The following PLCB1 variants were observed in gnomAD, a reference collection of about 807,000 sequenced individuals.
PLCB1 encodes 1-phosphatidylinositol 4,5-bisphosphate phosphodiesterase beta-1.
In PLCB1, 46 loss-of-function variants were observed where a neutral mutation model predicts 161.8. The ratio of observed to expected loss-of-function variants is 0.28; its 90% CI spans 0.22 to 0.36. The LOEUF is 0.36. PLCB1 is among the 10% of genes least tolerant of loss of function. PLCB1 has a pLI of 1.00. For missense variants in PLCB1, 1,016 were observed against 1,472.5 expected, an observed-to-expected ratio of 0.69 and a Z score of 5.07; for synonymous variants, 517 against 503.7, an observed-to-expected ratio of 1.03 and a Z score of -0.35.
rs146876020 is a variant in PLCB1, at chr20:8,630,393, G to T, written c.384+1962G>T. On this transcript the variant is annotated intron_variant, in intron 4 of 31. Coordinates refer to ENST00000338037, the MANE Select transcript of PLCB1 (RefSeq NM_015192.4). Reference sequence around the variant, plus strand: ...TAATATTGACTTTAATTCTTATAATGGGATGCATAAAATGCCAACCAGTTT... The same window carrying T: ...TAATATTGACTTTAATTCTTATAATTGGATGCATAAAATGCCAACCAGTTT... Among the ~76,000 whole-genome samples, 1,196 of 152,150 alleles carry T rather than the reference G, an allele frequency of 7.9e-3. 9 individuals carry two copies. Among genetic ancestry groups the T allele is most frequent in the Non-Finnish European group, 0.013 (868 of 67,996 alleles).
intron 3 of PLCB1, among the ~76,000 whole-genome samples, chr20:8,418,661 G>T (rs1215990527): frequency 6.6e-6 from 1 of 151,610 alleles, no homozygotes; most frequent in Admixed American, 6.6e-5. Flanking sequence ...AAATTATATT[G>T]TAATAAAAAA....
At chr20:8,416,427 A>G (rs1979273888) in intron 3 of PLCB1, among the ~76,000 whole-genome samples, 1 of 152,230 alleles carries the variant, frequency 6.6e-6, no homozygotes, top group African/African-American at 2.4e-5. Context: ...ATTTCTAAAT[A>G]AAACAAAATT....
At chr20:8,507,900 C>G (rs1983706044) in intron 3 of PLCB1, among the ~76,000 whole-genome samples, 1 of 152,132 alleles carries the variant, frequency 6.6e-6, no homozygotes, top group Admixed American at 6.6e-5. Context: ...GTCTCCTTTT[C>G]TAATGCCATG....
chr20:8,406,019 T>C (rs956574769), intron 3 of PLCB1, among the ~76,000 whole-genome samples: 1 of 152,038 alleles, frequency 6.6e-6, no homozygotes, highest in Non-Finnish European at 1.5e-5. Flanking sequence ...TCTTCCTTTT[T>C]TTTTTTGATA....
chr20:8,360,326 G>A (rs1185179622), intron 2 of PLCB1, among the ~76,000 whole-genome samples: 2 of 151,926 alleles, frequency 1.3e-5, no homozygotes, highest in East Asian at 1.9e-4. Context: ...GGGGATGGGT[G>A]TCTAGCCAGT....
At chr20:8,161,007 A>T (rs998329263) in intron 2 of PLCB1, among the ~76,000 whole-genome samples, 1 of 152,150 alleles carries the variant, frequency 6.6e-6, no homozygotes, top group African/African-American at 2.4e-5. Flanking sequence ...TGTAATATTC[A>T]CTAATTTACT....
chr20:8,299,481 C>T (rs1465809980), intron 2 of PLCB1, among the ~76,000 whole-genome samples: 2 of 152,178 alleles, frequency 1.3e-5, no homozygotes, highest in Admixed American at 6.6e-5. Context: ...AAGGGCATAT[C>T]ATTCAATCTC....
At chr20:8,539,399 C>G (rs1432877956) in intron 3 of PLCB1, among the ~76,000 whole-genome samples, 1 of 152,152 alleles carries the variant, frequency 6.6e-6, no homozygotes, top group Non-Finnish European at 1.5e-5. Flanking sequence ...CATATTCATT[C>G]ATTCAAGGAC....
At chr20:8,262,311 G>A (rs1469270169) in intron 2 of PLCB1, among the ~76,000 whole-genome samples, 1 of 151,750 alleles carries the variant, frequency 6.6e-6, no homozygotes, top group Non-Finnish European at 1.5e-5. Context: ...GGCTGGTCTC[G>A]AACTCCTGAC....
At chr20:8,788,757 A>G (rs1465273765) in intron 29 of PLCB1, 35 bp downstream of exon 29, 2 of 1,330,916 alleles carry the variant, frequency 1.5e-6, no homozygotes, top group East Asian at 4.6e-5. Context: ...CAAACAGTTC[A>G]TCTGGGAATT....
intron 26 of PLCB1, among the ~76,000 whole-genome samples, chr20:8,771,111 C>A (rs1982654964): frequency 6.6e-6 from 1 of 152,122 alleles, no homozygotes; most frequent in African/African-American, 2.4e-5. Flanking sequence ...CTACCAGTGG[C>A]TCTTGAGTCC....
chr20:8,567,665 C>G (rs1319115357), intron 3 of PLCB1, among the ~76,000 whole-genome samples: 1 of 152,022 alleles, frequency 6.6e-6, no homozygotes, highest in Non-Finnish European at 1.5e-5. Flanking sequence ...CATTGCTGAT[C>G]AGTAGTGGGA....
At chr20:8,391,042 T>G (rs1005046293) in intron 3 of PLCB1, among the ~76,000 whole-genome samples, 1 of 151,932 alleles carries the variant, frequency 6.6e-6, no homozygotes, top group South Asian at 2.1e-4. Context: ...AAATAAAATA[T>G]ATAACTTACA....
At chr20:8,621,285 A>G (rs746584472) in intron 3 of PLCB1, among the ~76,000 whole-genome samples, 1 of 152,214 alleles carries the variant, frequency 6.6e-6, no homozygotes, top group East Asian at 1.9e-4. Flanking sequence ...AGGGCTGTGC[A>G]TACAAATTTT....
At chr20:8,862,360 C>T (rs1987286668) in intron 31 of PLCB1, among the ~76,000 whole-genome samples, 1 of 152,188 alleles carries the variant, frequency 6.6e-6, no homozygotes, top group Non-Finnish European at 1.5e-5. Flanking sequence ...TGTATCATCA[C>T]TATGCTGGGC....
intron 3 of PLCB1, among the ~76,000 whole-genome samples, chr20:8,476,696 T>G (rs1982295888): frequency 6.6e-6 from 1 of 152,144 alleles, no homozygotes; most frequent in African/African-American, 2.4e-5. Flanking sequence ...GGATTGAAAT[T>G]TTCCTTTTCT....
At chr20:8,336,972 G>T (rs1031469989) in intron 2 of PLCB1, among the ~76,000 whole-genome samples, 1 of 151,706 alleles carries the variant, frequency 6.6e-6, no homozygotes, top group African/African-American at 2.4e-5. Context: ...TCTTTATTTA[G>T]AAAAACATGT....
At chr20:8,205,276 G>T (rs916818327) in intron 2 of PLCB1, among the ~76,000 whole-genome samples, 1 of 151,926 alleles carries the variant, frequency 6.6e-6, no homozygotes, top group Non-Finnish European at 1.5e-5. Flanking sequence ...ATTAGCATTC[G>T]TATATTTTAT....
chr20:8,426,490 A>G (rs1177375417), intron 3 of PLCB1, among the ~76,000 whole-genome samples: 1 of 152,212 alleles, frequency 6.6e-6, no homozygotes, highest in Non-Finnish European at 1.5e-5. Flanking sequence ...GGTTTCAGCT[A>G]AAATAAATTT....
Sources: allele counts gnomAD v4.1 joint callset (sites outside exome capture counted in the v4.1 genomes callset), GRCh38; gene constraint gnomAD v4.1.1; transcripts MANE v1.5; gene names NCBI Gene and HGNC (gene_info 2026-07-23, HGNC 2026-07-21).